Variants in XIRP2 observed in about 807,000 individuals in gnomAD.
XIRP2 encodes xin actin binding repeat containing 2, also known as xin actin-binding repeat-containing protein 2.
A neutral mutation model predicts 277.0 loss-of-function variants in XIRP2; 236 were observed. That is an observed-to-expected ratio of 0.85 (90% CI 0.77 to 0.95). The LOEUF (loss-of-function observed/expected upper bound fraction) is 0.95, where lower values mean the gene tolerates loss of function less well. Among genes scored for constraint, XIRP2 ranks in the 40% least tolerant of loss-of-function variants. XIRP2 has a pLI of 0.00. For synonymous variants in XIRP2, 1,490 were observed against 1,416.5 expected, an observed-to-expected ratio of 1.05 and a Z score of -1.17; for missense variants, 4,640 against 4,157.5, an observed-to-expected ratio of 1.12 and a Z score of -3.19.
At chr2:166,901,844 C>A (rs977002131) in intron 1 of XIRP2, among the ~76,000 whole-genome samples, 11 of 152,178 alleles carry the variant, frequency 7.2e-5, no homozygotes, top group African/African-American at 2.6e-4. Context: ...CCAAATTTTC[C>A]TGACTGTTCA....
At chr2:166,986,786 C>T (rs1218843745) in intron 2 of XIRP2, among the ~76,000 whole-genome samples, 7 of 152,094 alleles carry the variant, frequency 4.6e-5, no homozygotes, top group African/African-American at 7.2e-5. Context: ...ATAAAACAAA[C>T]GTTTAGATAA....
chr2:166,927,824 A>G (rs139335402), intron 2 of XIRP2, among the ~76,000 whole-genome samples: 63 of 152,250 alleles, frequency 4.1e-4, no homozygotes, highest in Middle Eastern at 3.4e-3. Context: ...CATTATGCCT[A>G]CCACAATAAT....
Position 167,257,968 on chromosome 2 carries a change from AGAT to A in XIRP2, c.*152_*154del. 1 of 1,613,164 alleles carries A rather than the reference AGAT, an allele frequency of 6.2e-7. No individual in the cohort carries two copies. Among genetic ancestry groups the A allele is most frequent in the Non-Finnish European group, 8.5e-7 (1 of 1,179,454 alleles). On this transcript the variant is annotated 3_prime_UTR_variant, in exon 11 of 11. Coordinates refer to ENST00000409195, the MANE Select transcript of XIRP2 (RefSeq NM_152381.6). ...AAGGTTTTGGACATAAGCAGCATAA[AGAT>A]AGATGGAACTGCAAAAACCAAAGCA... is the stretch of plus-strand genomic sequence containing the variant.
At chr2:167,190,075 T>C (rs886791348) in intron 3 of XIRP2, among the ~76,000 whole-genome samples, 3 of 152,208 alleles carry the variant, frequency 2.0e-5, no homozygotes, top group Middle Eastern at 3.2e-3. Context: ...AAGAGATGCA[T>C]AGGGCAAGGT....
intron 2 of XIRP2, among the ~76,000 whole-genome samples, chr2:167,021,607 G>C (rs546224716): frequency 6.6e-6 from 1 of 151,972 alleles, no homozygotes; most frequent in Admixed American, 6.6e-5. Flanking sequence ...CCAGCACTTT[G>C]GGAGGCTGAG....
At position 167,021,512 on chromosome 2, in the gene XIRP2, T is replaced by TA. The variant is rs757398901; in HGVS notation, c.409-114392dup. On this transcript the variant is annotated intron_variant, in intron 2 of 10. Transcript: ENST00000409195. ...TACTTTCAAGGTCAATTACCTTTTT[T>TA]AAAAATATGGGTGATTTTTAATGTT... 5.3e-5 allele frequency among the ~76,000 whole-genome samples: 8 copies of TA among 152,110 alleles called. No individual in the cohort carries two copies. The East Asian group carries it at 1.4e-3, about 26-fold the overall frequency.
chr2:167,164,337 T>C (rs978191979), intron 3 of XIRP2, among the ~76,000 whole-genome samples: 1 of 149,194 alleles, frequency 6.7e-6, no homozygotes, highest in Non-Finnish European at 1.5e-5. Context: ...TCCCAGCTAC[T>C]CGGGAGGCTG....
At chr2:167,166,998 C>T (rs1221885892) in intron 3 of XIRP2, among the ~76,000 whole-genome samples, 1 of 152,040 alleles carries the variant, frequency 6.6e-6, no homozygotes, top group African/African-American at 2.4e-5. Flanking sequence ...CAGTTTGTGC[C>T]TCTCATAGTT....
intron 3 of XIRP2, among the ~76,000 whole-genome samples, chr2:167,163,552 G>T (rs1167254685): frequency 1.3e-5 from 2 of 150,818 alleles, no homozygotes; most frequent in African/African-American, 4.8e-5. Context: ...ACATATCAAA[G>T]GCATAAAAAT....
At chr2:166,938,858 G>T (rs1291295666) in intron 2 of XIRP2, among the ~76,000 whole-genome samples, 1 of 152,120 alleles carries the variant, frequency 6.6e-6, no homozygotes, top group South Asian at 2.1e-4. Flanking sequence ...GGCCTCTTTT[G>T]TCTCTTTTGA....
intron 2 of XIRP2, among the ~76,000 whole-genome samples, chr2:166,913,433 G>A (rs921276784): frequency 3.9e-5 from 6 of 152,292 alleles, no homozygotes; most frequent in African/African-American, 9.6e-5. Context: ...CTCCTGGGGT[G>A]CCATTTGCTC....
intron 2 of XIRP2, among the ~76,000 whole-genome samples, chr2:167,087,914 C>G (rs139975089): frequency 6.6e-6 from 1 of 152,118 alleles, no homozygotes; most frequent in African/African-American, 2.4e-5. Context: ...GCGTCGCTCA[C>G]GCTGGGAGCT....
Position 167,246,463 on chromosome 2 carries a change from A to C in XIRP2, c.5071A>C (p.Ile1691Leu), listed in dbSNP as rs1353772661. 3.7e-6 allele frequency: 6 copies of C among 1,613,476 alleles called. No homozygotes were observed. Among genetic ancestry groups the C allele is most frequent in the Non-Finnish European group, 4.2e-6 (5 of 1,179,656 alleles). The change falls in exon 9 of 11, where the codon ATC becomes CTC. Residue 1691 changes from isoleucine to leucine, a missense_variant. Coordinates refer to ENST00000409195, the MANE Select transcript of XIRP2 (RefSeq NM_152381.6). ...EDEKGDINMTIYCLLHENDGD... is the reference protein window; with the variant it reads ...EDEKGDINMTLYCLLHENDGD... The stretch of plus-strand genomic sequence containing the variant: ...TGAAAAAGGAGATATTAACATGACT[A>C]TCTATTGTCTTCTTCATGAAAATGA...
At chr2:167,143,746 A>G (rs766193821) in intron 3 of XIRP2, among the ~76,000 whole-genome samples, 2 of 152,276 alleles carry the variant, frequency 1.3e-5, no homozygotes, top group Admixed American at 1.3e-4. Context: ...AATTTTCGCC[A>G]ATTAAAGGAG....
intron 2 of XIRP2, among the ~76,000 whole-genome samples, chr2:167,086,600 C>T (rs370280249): frequency 0.022 from 3,316 of 152,054 alleles, 53 homozygotes; most frequent in East Asian, 0.052. Flanking sequence ...TAGATTTGGT[C>T]TTTTCACATA....
At chr2:167,164,293 A>AAAAAT in intron 3 of XIRP2, among the ~76,000 whole-genome samples, 1 of 151,942 alleles carries the variant, frequency 6.6e-6, no homozygotes, top group South Asian at 2.1e-4. Flanking sequence ...ACAAAAAAAA[A>AAAAAT]AAATTAGCCG....
intron 3 of XIRP2, among the ~76,000 whole-genome samples, chr2:167,168,904 G>A (rs554655993): frequency 3.3e-5 from 5 of 152,158 alleles, no homozygotes; most frequent in South Asian, 2.1e-4. Flanking sequence ...TCTTGCATGC[G>A]CTCTTCTTTA....
At chr2:166,959,073 G>C (rs1301464963) in intron 2 of XIRP2, among the ~76,000 whole-genome samples, 1 of 151,808 alleles carries the variant, frequency 6.6e-6, no homozygotes, top group Non-Finnish European at 1.5e-5. Flanking sequence ...GAAGAAAGCA[G>C]AGCATCTCTG....
At chr2:167,098,085 A>C (rs1293961338) in intron 2 of XIRP2, among the ~76,000 whole-genome samples, 1 of 152,050 alleles carries the variant, frequency 6.6e-6, no homozygotes, top group Non-Finnish European at 1.5e-5. Context: ...CTGAATTTGA[A>C]TGTTGGCCTG....
Sources: gnomAD v4.1 joint callset for allele counts (sites outside exome capture counted in the v4.1 genomes callset) on GRCh38, gnomAD v4.1.1 for gene constraint, MANE v1.5 for transcripts, NCBI Gene and HGNC (gene_info 2026-07-23, HGNC 2026-07-21) for gene names.